Variants in TBC1D20 observed in about 807,000 individuals in gnomAD.
TBC1D20 encodes the protein chromosome 20 open reading frame 140.
In TBC1D20, 12 loss-of-function variants were observed where a neutral mutation model predicts 41.6. The observed-to-expected ratio is 0.29, with a 90% CI of 0.18 to 0.47. The LOEUF (loss-of-function observed/expected upper bound fraction) is 0.47. TBC1D20 is among the 20% of genes least tolerant of loss of function. TBC1D20 has a pLI of 1.00. For synonymous variants in TBC1D20, 205 were observed against 204.8 expected, an observed-to-expected ratio of 1.00 and a Z score of -0.01; for missense variants, 421 against 517.4, an observed-to-expected ratio of 0.81 and a Z score of 1.81.
At chr20:447,202 C>T (rs1161562144) in intron 2 of TBC1D20, among the ~76,000 whole-genome samples, 1 of 150,392 alleles carries the variant, frequency 6.6e-6, no homozygotes. Flanking sequence ...CCTCAAGATC[C>T]ACCTGCCTCA....
chr20:440,709 A>G (rs2017212533), intron 5 of TBC1D20: 2 of 243,938 alleles, frequency 8.2e-6, no homozygotes, highest in Non-Finnish European at 1.5e-5. Context: ...ACTAAGTCTT[A>G]CCCTTCTGGG....
Position 439,028 on chromosome 20 carries a change from A to G in TBC1D20, c.956+80T>C. The G allele has an allele frequency of 1.3e-6, 2 of 1,527,394 alleles. No homozygotes were observed. The highest frequency in any genetic ancestry group is 8.9e-7 in the Non-Finnish European group (1 of 1,128,542). The allele number at this position is 1,527,394 out of a possible 1,614,324, so 94.6% of individuals were successfully genotyped here. A position where few individuals can be genotyped will look rare whatever the true frequency, so the allele number is the denominator to read the frequency against. On this transcript the variant is annotated intron_variant, in intron 7 of 7. Transcript: ENST00000354200. The surrounding 1 kb of genome is among the most constrained non-coding windows in gnomAD (Gnocchi z 4.6). The stretch of plus-strand genomic sequence containing the variant: ...ATCTCTGGAAACATGCCCCAACCCT[A>G]TCCCACCAGACACAAACCTTCCCTC...
intron 1 of TBC1D20, among the ~76,000 whole-genome samples, chr20:451,944 G>A (rs2017449586): frequency 6.6e-6 from 1 of 152,112 alleles, no homozygotes; most frequent in Non-Finnish European, 1.5e-5. Flanking sequence ...TTGTAATTTT[G>A]TTCCTGTTCA....
rs1057046144 is a variant in TBC1D20, at chr20:441,089, C to CA, written c.626+498dup. 5.3e-5 allele frequency: 8 copies of CA among 150,582 alleles called. 1 individual carries two copies. Among genetic ancestry groups the CA allele is most frequent in the South Asian group, 4.1e-4 (2 of 4,868 alleles). 9.3% of individuals were successfully genotyped at this position (150,582 alleles called of 1,614,324 possible). On this transcript the variant is annotated intron_variant, in intron 5 of 7. Transcript: ENST00000354200. ...GGCAACAAGAGAAAATACTCCATCT[C>CA]AAAAAAAAAGAAGGCATAGCCATTA...
chr20:444,939 G>T, intron 3 of TBC1D20, 111 bp downstream of exon 3: 1 of 885,982 alleles, frequency 1.1e-6, no homozygotes, highest in Non-Finnish European at 1.7e-6. Context: ...TCAGCAAAAG[G>T]AGAGCTCTGA....
intron 1 of TBC1D20, among the ~76,000 whole-genome samples, chr20:461,463 G>A (rs920292673): frequency 6.6e-6 from 1 of 152,148 alleles, no homozygotes; most frequent in Non-Finnish European, 1.5e-5. Flanking sequence ...GGGCTCAAGC[G>A]ATCCTCCTGC....
At chr20:444,963 G>T in intron 3 of TBC1D20, 87 bp downstream of exon 3, 1 of 1,213,060 alleles carries the variant, frequency 8.2e-7, no homozygotes, top group South Asian at 1.4e-5. Flanking sequence ...TCCCTGAGGC[G>T]GCAGGGTCCA....
At chr20:440,644 CTACAGGAACGAGAAGCAG>C (rs2017210606) in intron 5 of TBC1D20, 1 of 400,752 alleles carries the variant, frequency 2.5e-6, no homozygotes, top group Admixed American at 4.2e-5. Context: ...CAAATGTCAA[CTACAGGAACGAGAAGCAG>C]TTGTTTTCAG....
chr20:449,849 T>C (rs1479181621), intron 1 of TBC1D20, among the ~76,000 whole-genome samples: 1 of 152,228 alleles, frequency 6.6e-6, no homozygotes, highest in Non-Finnish European at 1.5e-5. Context: ...TAGTACGTAA[T>C]ATGCAAAGCA....
At position 439,436 on chromosome 20, in the gene TBC1D20, A is replaced by G. The variant is rs1422382383; in HGVS notation, c.769-141T>C. 3 of 626,612 alleles carry G rather than the reference A, an allele frequency of 4.8e-6. No homozygotes were observed. The highest frequency in any genetic ancestry group is 3.2e-5 in the Admixed American group (1 of 31,316). 38.8% of individuals were successfully genotyped at this position (626,612 alleles called of 1,614,324 possible). A position where few individuals can be genotyped will look rare whatever the true frequency, so the allele number is the denominator to read the frequency against. ...AAATGTTGAGCAAACTCTTGTATCC[A>G]TCAAGGAAGTAATAACATATATACG... is the stretch of plus-strand genomic sequence containing the variant. On this transcript the variant is annotated intron_variant, in intron 6 of 7. Coordinates refer to ENST00000354200, the MANE Select transcript of TBC1D20 (RefSeq NM_144628.4). The surrounding 1 kb of genome is among the most constrained non-coding windows in gnomAD (Gnocchi z 4.6).
At chr20:438,977 T>A in intron 7 of TBC1D20, 131 bp downstream of exon 7, 1 of 1,453,892 alleles carries the variant, frequency 6.9e-7, no homozygotes, top group Non-Finnish European at 9.3e-7. Flanking sequence ...ATGTCTACAG[T>A]GGGGATTCCA....
chr20:458,554 C>T (rs2017580365), intron 1 of TBC1D20, among the ~76,000 whole-genome samples: 1 of 152,072 alleles, frequency 6.6e-6, no homozygotes, highest in Non-Finnish European at 1.5e-5. Context: ...CTCTAGTGAT[C>T]CACCCACCTC....
At chr20:461,685 T>A (rs1241298070) in intron 1 of TBC1D20, among the ~76,000 whole-genome samples, 2 of 152,282 alleles carry the variant, frequency 1.3e-5, no homozygotes, top group Non-Finnish European at 1.5e-5. Context: ...TGAATAACAT[T>A]AAAATAGGTG....
At position 448,089 on chromosome 20, in the gene TBC1D20, A is replaced by G. The variant is rs761861022; in HGVS notation, c.71-15T>C. On this transcript the variant is annotated splice_polypyrimidine_tract_variant and intron_variant, in intron 1 of 7. Coordinates refer to ENST00000354200, the MANE Select transcript of TBC1D20 (RefSeq NM_144628.4). ...GGCGTTAAAGTCTGAAGATAAGGAT[A>G]GGGAAGAATTAGGCGCACATTCAGC... 1.2e-6 allele frequency: 2 copies of G among 1,600,718 alleles called. No individual in the cohort carries two copies. Among genetic ancestry groups the G allele is most frequent in the South Asian group, 2.2e-5 (2 of 90,784 alleles).
Position 462,363 on chromosome 20 carries a change from G to A in TBC1D20, c.43C>T (p.His15Tyr), listed in dbSNP as rs1261495880. The change falls in exon 1 of 8, where the codon CAC becomes TAC. Residue 15 changes from histidine (H) to tyrosine (Y), a missense_variant. This residue lies in a region of TBC1D20 where 150 missense variants were observed against 151.3 expected (regional missense o/e 0.99). Coordinates refer to ENST00000354200, the MANE Select transcript of TBC1D20 (RefSeq NM_144628.4). Reference protein sequence around the residue: ...SAQGDGPTSGHWDGGAEKADF... With the variant: ...SAQGDGPTSGYWDGGAEKADF... ...GCCTTCTCCGCGCCGCCGTCCCAGT[G>A]GCCGGAGGTGGGGCCGTCGCCCTGC... 3.1e-6 allele frequency: 4 copies of A among 1,306,742 alleles called. No homozygotes were observed. Among genetic ancestry groups the A allele is most frequent in the Non-Finnish European group, 3.9e-6 (4 of 1,018,320 alleles). 80.9% of individuals were successfully genotyped at this position (1,306,742 alleles called of 1,614,324 possible).
rs2273465 is a variant in TBC1D20, at chr20:444,962, C to A, written c.337+88G>T. On this transcript the variant is annotated intron_variant, in intron 3 of 7. Coordinates refer to ENST00000354200, the MANE Select transcript of TBC1D20 (RefSeq NM_144628.4). ...AGGAGAGCTCTGAAGGTCCCTGAGG[C>A]GGCAGGGTCCAGCATATTAGGTCAC... 0.42 allele frequency: 497,739 copies of A among 1,175,666 alleles called. 108,283 individuals carry two copies. The highest frequency in any genetic ancestry group is 0.49 in the Middle Eastern group (2,540 of 5,180). The allele number at this position is 1,175,666 out of a possible 1,614,324, so 72.8% of individuals were successfully genotyped here. A position where few individuals can be genotyped will look rare whatever the true frequency, so the allele number is the denominator to read the frequency against.
chr20:435,921 G>A lies in TBC1D20; in HGVS notation c.*2665C>T, dbSNP rs1375543534. On this transcript the variant is annotated 3_prime_UTR_variant, in exon 8 of 8. Coordinates refer to ENST00000354200, the MANE Select transcript of TBC1D20 (RefSeq NM_144628.4). Reference sequence around the variant, plus strand: ...CAGATTAAAGTCTGGTGTTGAGCAAGTGAAATGGGGCAGGAGAAGGTCACA... The same window carrying A: ...CAGATTAAAGTCTGGTGTTGAGCAAATGAAATGGGGCAGGAGAAGGTCACA... 2 of 152,418 alleles carry A rather than the reference G, an allele frequency of 1.3e-5. No homozygotes were observed. Among genetic ancestry groups the A allele is most frequent in the Non-Finnish European group, 2.9e-5 (2 of 68,176 alleles). 9.4% of individuals were successfully genotyped at this position (152,418 alleles called of 1,614,324 possible). A position where few individuals can be genotyped will look rare whatever the true frequency, so the allele number is the denominator to read the frequency against.
chr20:453,907 C>T (rs530761350), intron 1 of TBC1D20, among the ~76,000 whole-genome samples: 11 of 144,186 alleles, frequency 7.6e-5, no homozygotes, highest in East Asian at 2.1e-4. Context: ...GAGATTGAGA[C>T]GAGCCTGGCC....
chr20:438,079 G>A lies in TBC1D20; in HGVS notation c.*507C>T, dbSNP rs1420999235. 2 of 154,786 alleles carry A rather than the reference G, an allele frequency of 1.3e-5. No homozygotes were observed. Among genetic ancestry groups the A allele is most frequent in the African/African-American group, 4.8e-5 (2 of 41,436 alleles). 9.6% of individuals were successfully genotyped at this position (154,786 alleles called of 1,614,324 possible). A position where few individuals can be genotyped will look rare whatever the true frequency, so the allele number is the denominator to read the frequency against. On this transcript the variant is annotated 3_prime_UTR_variant, in exon 8 of 8. Coordinates refer to ENST00000354200, the MANE Select transcript of TBC1D20 (RefSeq NM_144628.4). The stretch of plus-strand genomic sequence containing the variant: ...CAGCTGATGGAGCTGCTAGTAAGAG[G>A]GGCCGATCATGCTCCCAGACGAGTC...
Sources: gnomAD v4.1 joint callset for allele counts (sites outside exome capture counted in the v4.1 genomes callset) on GRCh38, gnomAD v4.1.1 for gene constraint, gnomAD v4.1.1 regional missense constraint, Gnocchi (gnomAD v3.1) non-coding constraint, MANE v1.5 for transcripts, NCBI Gene and HGNC (gene_info 2026-07-23, HGNC 2026-07-21) for gene names.